ANKRD34C: variants seen among roughly 807,000 people sequenced by gnomAD.
ANKRD34C encodes ankyrin repeat domain 34C.
For missense variants in ANKRD34C, 563 were observed against 653.0 expected (o/e 0.86, Z 1.50); for synonymous variants, 260 against 253.6 (o/e 1.03, Z -0.24).
At chr15:79,291,309 A>G (rs1429796702) in intron 1 of ANKRD34C, among the ~76,000 whole-genome samples, 1 of 152,186 alleles carries the variant, frequency 6.6e-6, no homozygotes, top group African/African-American at 2.4e-5. Flanking sequence ...CTGGAGTGGC[A>G]GGGAATGATT....
rs2058668685 is a variant in ANKRD34C at position 79,294,891 on chromosome 15, A to G, written c.1607A>G (p.Ter536TrpextTer3). Residue 536 changes from the stop codon to tryptophan, a stop_lost, in exon 2 of 2, where the codon TAG (stop) becomes TGG (tryptophan). Transcript: ENST00000421388. ...TCTGATTTTGAAGAAATCATGACCTAGAAGCTTTAGAAAGGCTTAAAATAG... is the reference window on the plus strand; with the variant it reads ...TCTGATTTTGAAGAAATCATGACCTGGAAGCTTTAGAAAGGCTTAAAATAG... Reference protein sequence around the residue: ...QLSDFEEIMT* With the variant: ...QLSDFEEIMTW 1.3e-6 allele frequency: 2 copies of G among 1,528,006 alleles called. No homozygotes were observed. The highest frequency in any genetic ancestry group is 1.4e-5 in the African/African-American group (1 of 71,406). The allele number at this position is 1,528,006 out of a possible 1,614,324, so 94.7% of individuals were successfully genotyped here.
At position 79,289,274 on chromosome 15, in the gene ANKRD34C, C is replaced by G. The variant is rs553431787; in HGVS notation, c.-44-3967C>G. Among the ~76,000 whole-genome samples, 9 of 152,330 alleles carry G rather than the reference C, an allele frequency of 5.9e-5. No individual in the cohort carries two copies. The East Asian group carries it at 1.5e-3, about 26-fold the overall frequency. Reference sequence around the variant, plus strand: ...TTGCATTTCATCACTTAAGGAACTTCAGATGGGAGGCCCACAGTAAAAAAA... The same window carrying G: ...TTGCATTTCATCACTTAAGGAACTTGAGATGGGAGGCCCACAGTAAAAAAA... On this transcript the variant is annotated intron_variant, in intron 1 of 1. Coordinates refer to ENST00000421388, the MANE Select transcript of ANKRD34C (RefSeq NM_001146341.2).
intron 1 of ANKRD34C, among the ~76,000 whole-genome samples, chr15:79,286,584 A>G (rs930003949): frequency 1.3e-5 from 2 of 152,198 alleles, no homozygotes; most frequent in South Asian, 4.1e-4. Flanking sequence ...ATTTTGGTTG[A>G]CACTTTCATC....
chr15:79,293,969 C>A lies in ANKRD34C; in HGVS notation c.685C>A (p.Pro229Thr). ...SCNTSKAVNE[P>T]GSPTRKVSNL... ...TAACACCTCCAAGGCTGTTAATGAG[C>A]CTGGGTCACCCACCAGGAAAGTCAG... The change falls in exon 2 of 2, where the codon CCT becomes ACT. Residue 229 changes from proline (P) to threonine (T), a missense_variant. Pro to Thr is a conservative substitution (Grantham distance 38). Coordinates refer to ENST00000421388, the MANE Select transcript of ANKRD34C (RefSeq NM_001146341.2). 6.4e-7 allele frequency: 1 copy of A among 1,551,676 alleles called. No homozygotes were observed. The highest frequency in any genetic ancestry group is 8.7e-7 in the Non-Finnish European group (1 of 1,146,984).
At position 79,296,546 on chromosome 15, in the gene ANKRD34C, C is replaced by T. The variant is rs2058672832; in HGVS notation, c.*1654C>T. ...ATTTTTATAAGTACCGATCTCTAAA[C>T]TCATGTGTAAAGTAAAAAATTCTGC... On this transcript the variant is annotated 3_prime_UTR_variant, in exon 2 of 2. Coordinates refer to ENST00000421388, the MANE Select transcript of ANKRD34C (RefSeq NM_001146341.2). The T allele has an allele frequency of 6.0e-6, 1 of 167,044 alleles. No homozygotes were observed. The highest frequency in any genetic ancestry group is 6.5e-5 in the Admixed American group (1 of 15,290). 10.3% of individuals were successfully genotyped at this position (167,044 alleles called of 1,614,324 possible).
In ANKRD34C at chr15:79,293,817, A is replaced by G. The variant is rs140240186; in HGVS notation, c.533A>G (p.Asp178Gly). ...LNVPPSPKVE[D>G]RHSPPLCASP... ...GTCCCTCCTTCACCCAAAGTAGAAGACAGGCATTCACCTCCACTGTGTGCG... is the reference window on the plus strand; with the variant it reads ...GTCCCTCCTTCACCCAAAGTAGAAGGCAGGCATTCACCTCCACTGTGTGCG... Residue 178 changes from aspartate (D) to glycine (G), a missense_variant, in exon 2 of 2, where the codon GAC becomes GGC. Transcript: ENST00000421388. The G allele has an allele frequency of 1.4e-3, 2,115 of 1,551,760 alleles. 23 individuals are homozygous for G. The Admixed American group carries it at 0.023, about 17-fold the overall frequency.
rs2058674256 is a variant in ANKRD34C, at chr15:79,297,158, AC to A, written c.*2268del. On this transcript the variant is annotated 3_prime_UTR_variant, in exon 2 of 2. Coordinates refer to ENST00000421388, the MANE Select transcript of ANKRD34C (RefSeq NM_001146341.2). Reference sequence around the variant, plus strand: ...AACTATTTAATCATTAATAGTTCTTACCAAGTAGAAGTGATCCCAGGCAAAG... The same window carrying A: ...AACTATTTAATCATTAATAGTTCTTACAAGTAGAAGTGATCCCAGGCAAAG... 3 of 166,998 alleles carry A rather than the reference AC, an allele frequency of 1.8e-5. No homozygotes were observed. The South Asian group carries it at 6.2e-4, about 35-fold the overall frequency. The allele number at this position is 166,998 out of a possible 1,614,324, so 10.3% of individuals were successfully genotyped here. A position where few individuals can be genotyped will look rare whatever the true frequency, so the allele number is the denominator to read the frequency against.
chr15:79,288,153 G>C (rs995396740), intron 1 of ANKRD34C, among the ~76,000 whole-genome samples: 1 of 152,160 alleles, frequency 6.6e-6, no homozygotes, highest in Non-Finnish European at 1.5e-5. Context: ...AAACCTTCCT[G>C]AAAGGGCATT....
In ANKRD34C at chr15:79,294,951, C is replaced by T. The variant is rs542610009; in HGVS notation, c.*59C>T. 4.5e-5 allele frequency: 64 copies of T among 1,438,150 alleles called. No individual in the cohort carries two copies. The highest frequency in any genetic ancestry group is 5.7e-5 in the Non-Finnish European group (62 of 1,086,378). The allele number at this position is 1,438,150 out of a possible 1,614,324, so 89.1% of individuals were successfully genotyped here. On this transcript the variant is annotated 3_prime_UTR_variant, in exon 2 of 2. Transcript: ENST00000421388. ...TTTATGGAAGGGACTATGGATGAGACTGCTTCCTGATCATTCCTTAATGTT... is the reference window on the plus strand; with the variant it reads ...TTTATGGAAGGGACTATGGATGAGATTGCTTCCTGATCATTCCTTAATGTT...
chr15:79,294,966 T>C lies in ANKRD34C; in HGVS notation c.*74T>C. ...ATGGATGAGACTGCTTCCTGATCAT[T>C]CCTTAATGTTGAACTGTGGCCACTT... On this transcript the variant is annotated 3_prime_UTR_variant, in exon 2 of 2. Transcript: ENST00000421388. The C allele has an allele frequency of 7.1e-7, 1 of 1,406,924 alleles. No individual in the cohort carries two copies. Among genetic ancestry groups the C allele is most frequent in the East Asian group, 2.5e-5 (1 of 40,128 alleles). The allele number at this position is 1,406,924 out of a possible 1,614,324, so 87.2% of individuals were successfully genotyped here.
rs1273960141 is a variant in ANKRD34C at position 79,296,021 on chromosome 15, G to A, written c.*1129G>A. 6.0e-6 allele frequency: 1 copy of A among 167,114 alleles called. No homozygotes were observed. The highest frequency in any genetic ancestry group is 1.5e-5 in the Non-Finnish European group (1 of 68,124). 10.4% of individuals were successfully genotyped at this position (167,114 alleles called of 1,614,324 possible). A position where few individuals can be genotyped will look rare whatever the true frequency, so the allele number is the denominator to read the frequency against. On this transcript the variant is annotated 3_prime_UTR_variant, in exon 2 of 2. Coordinates refer to ENST00000421388, the MANE Select transcript of ANKRD34C (RefSeq NM_001146341.2). The stretch of plus-strand genomic sequence containing the variant: ...GCTTTGAGCAAATCCAAGAAGGAAA[G>A]CAGAGACTTAGCACATTTGGTATAA...
chr15:79,289,253 A>T (rs952453721), intron 1 of ANKRD34C, among the ~76,000 whole-genome samples: 1 of 152,244 alleles, frequency 6.6e-6, no homozygotes, highest in Non-Finnish European at 1.5e-5. Context: ...AAACTGTTGC[A>T]TTTCATCACT....
chr15:79,283,842 G>T (rs2058636181), intron 1 of ANKRD34C: 1 of 152,228 alleles, frequency 6.6e-6, no homozygotes, highest in African/African-American at 2.4e-5. Context: ...CCCGGCCAAC[G>T]CTGCTCTCAG....
In ANKRD34C at chr15:79,297,863, G is replaced by T. The variant is rs1322240870; in HGVS notation, c.*2971G>T. On this transcript the variant is annotated 3_prime_UTR_variant, in exon 2 of 2. Transcript: ENST00000421388. ...AAGTTAGCTGCAAACTGTAGTTTCG[G>T]TAATTCAACTGCTTAAGCATTTCTG... is the stretch of plus-strand genomic sequence containing the variant. 6.0e-6 allele frequency: 1 copy of T among 166,340 alleles called. No individual in the cohort carries two copies. The highest frequency in any genetic ancestry group is 2.4e-5 in the African/African-American group (1 of 41,422). The allele number at this position is 166,340 out of a possible 1,614,324, so 10.3% of individuals were successfully genotyped here.
In ANKRD34C at chr15:79,294,645, G is replaced by A. The variant is rs2058668174; in HGVS notation, c.1361G>A (p.Arg454His). ...RRGSGTLLLD[R>H]ISHTRPGFLP... ...GGTTCTGGAACTCTGCTCCTTGATCGCATTTCTCACACTAGGCCTGGCTTC... is the reference window on the plus strand; with the variant it reads ...GGTTCTGGAACTCTGCTCCTTGATCACATTTCTCACACTAGGCCTGGCTTC... The change falls in exon 2 of 2, where the codon CGC (arginine) becomes CAC (histidine). Residue 454 changes from arginine (R) to histidine (H), a missense_variant. Transcript: ENST00000421388. 4 of 1,551,490 alleles carry A rather than the reference G, an allele frequency of 2.6e-6. No individual in the cohort carries two copies. The highest frequency in any genetic ancestry group is 2.4e-5 in the East Asian group (1 of 40,920).
chr15:79,286,560 T>A (rs1464999803), intron 1 of ANKRD34C, among the ~76,000 whole-genome samples: 3 of 152,218 alleles, frequency 2.0e-5, no homozygotes, highest in African/African-American at 7.2e-5. Context: ...AATTTTCAAA[T>A]GAAGGTAAAT....
chr15:79,284,597 A>G (rs2058638285), intron 1 of ANKRD34C, among the ~76,000 whole-genome samples: 1 of 152,162 alleles, frequency 6.6e-6, no homozygotes, highest in South Asian at 2.1e-4. Flanking sequence ...GCACACTCCA[A>G]AGGGACTGGG....
chr15:79,294,108 C>G lies in ANKRD34C; in HGVS notation c.824C>G (p.Ala275Gly). 1 of 1,551,536 alleles carries G rather than the reference C, an allele frequency of 6.4e-7. No individual in the cohort carries two copies. Among genetic ancestry groups the G allele is most frequent in the South Asian group, 1.2e-5 (1 of 84,052 alleles). The change falls in exon 2 of 2, where the codon GCC becomes GGC. Residue 275 changes from alanine to glycine, a missense_variant. Transcript: ENST00000421388. Reference sequence around the variant, plus strand: ...ACGCGTCAGGATGAGACCCATGGTGCCAGCACAGACAACGAGGTCATCAAG... The same window carrying G: ...ACGCGTCAGGATGAGACCCATGGTGGCAGCACAGACAACGAGGTCATCAAG... ...ASTRQDETHG[A>G]STDNEVIKSI...
chr15:79,296,592 T>C lies in ANKRD34C; in HGVS notation c.*1700T>C, dbSNP rs2058672957. Reference sequence around the variant, plus strand: ...TCTGCCATATAAACTCTACATATTATATAATTTTTCTATAACTACCTTTGC... The same window carrying C: ...TCTGCCATATAAACTCTACATATTACATAATTTTTCTATAACTACCTTTGC... On this transcript the variant is annotated 3_prime_UTR_variant, in exon 2 of 2. Coordinates refer to ENST00000421388, the MANE Select transcript of ANKRD34C (RefSeq NM_001146341.2). 1 of 167,126 alleles carries C rather than the reference T, an allele frequency of 6.0e-6. No homozygotes were observed. Among genetic ancestry groups the C allele is most frequent in the African/African-American group, 2.4e-5 (1 of 41,476 alleles). The allele number at this position is 167,126 out of a possible 1,614,324, so 10.4% of individuals were successfully genotyped here.
Sources: allele counts gnomAD v4.1 joint callset (sites outside exome capture counted in the v4.1 genomes callset), GRCh38; gene constraint gnomAD v4.1.1; transcripts MANE v1.5; gene names NCBI Gene and HGNC (gene_info 2026-07-23, HGNC 2026-07-21).